PHLDB2: variants seen among roughly 807,000 people sequenced by gnomAD.
PHLDB2 encodes pleckstrin homology like domain family B member 2, also known as pleckstrin homology-like domain family B member 2.
Under a neutral mutation model 123.6 loss-of-function variants are expected in PHLDB2, and 71 were observed. The ratio of observed to expected loss-of-function variants is 0.57; its 90% CI spans 0.47 to 0.70. PHLDB2 has a LOEUF of 0.70. PHLDB2 is among the 30% of genes least tolerant of loss of function. The pLI is 0.00. For synonymous variants in PHLDB2, 547 were observed against 541.6 expected, an observed-to-expected ratio of 1.01 and a Z score of -0.14; for missense variants, 1,446 against 1,519.5, an observed-to-expected ratio of 0.95 and a Z score of 0.80.
Position 111,814,103 on chromosome 3 carries a change from C to T in PHLDB2, c.-48-31718C>T, listed in dbSNP as rs144281639. ...TGGTCCAAAACAGTGTATTCCAAAA[C>T]GTGGGATACACCACTGTGATAGTTA... On this transcript the variant is annotated intron_variant, in intron 1 of 17. Coordinates refer to the PHLDB2 transcript ENST00000393923. Among the ~76,000 whole-genome samples the T allele has an allele frequency of 2.4e-3, 372 of 152,228 alleles. 1 individual carries two copies. The highest frequency in any genetic ancestry group is 8.2e-3 in the African/African-American group (342 of 41,524).
chr3:111,786,591 A>G (rs1231627124), intron 1 of PHLDB2, among the ~76,000 whole-genome samples: 2 of 152,130 alleles, frequency 1.3e-5, no homozygotes, highest in African/African-American at 4.8e-5. Flanking sequence ...TTTAAGTCTG[A>G]GTTCTGAAAA....
chr3:111,802,796 T>C (rs1345815440), intron 1 of PHLDB2, among the ~76,000 whole-genome samples: 1 of 152,216 alleles, frequency 6.6e-6, no homozygotes, highest in East Asian at 1.9e-4. Flanking sequence ...TAGTTTATGA[T>C]CCTCTCTTCT....
intron 3 of PHLDB2, chr3:111,917,177 A>G (rs1389370228): frequency 1.3e-5 from 2 of 151,688 alleles, no homozygotes; most frequent in African/African-American, 4.8e-5. Flanking sequence ...GAAAAAAACT[A>G]CAAACATTTC....
intron 5 of PHLDB2, among the ~76,000 whole-genome samples, chr3:111,926,470 G>A (rs951132532): frequency 1.1e-4 from 16 of 152,310 alleles, no homozygotes; most frequent in African/African-American, 3.9e-4. Context: ...TGGCTCCCTG[G>A]TCAGAGGAAG....
intron 2 of PHLDB2, among the ~76,000 whole-genome samples, chr3:111,891,264 C>T (rs2066474128): frequency 6.6e-6 from 1 of 152,154 alleles, no homozygotes; most frequent in African/African-American, 2.4e-5. Context: ...GGCCGCAGAG[C>T]AGGAGGTGAG....
At chr3:111,955,821 G>A (rs2071018390) in intron 12 of PHLDB2, among the ~76,000 whole-genome samples, 1 of 152,174 alleles carries the variant, frequency 6.6e-6, no homozygotes, top group African/African-American at 2.4e-5. Context: ...AGACCATTAA[G>A]CATTTTCATG....
intron 1 of PHLDB2, among the ~76,000 whole-genome samples, chr3:111,869,946 G>A (rs2108697066): frequency 6.6e-6 from 1 of 152,318 alleles, no homozygotes; most frequent in East Asian, 1.9e-4. Context: ...GCAGGTCTTT[G>A]AGTGACAAAG....
chr3:111,960,156 A>C (rs2071309861), intron 12 of PHLDB2: 1 of 874,372 alleles, frequency 1.1e-6, no homozygotes, highest in Non-Finnish European at 1.4e-6. Flanking sequence ...AGCAATTAGT[A>C]ATTCCAAAAG....
intron 11 of PHLDB2, among the ~76,000 whole-genome samples, chr3:111,953,470 A>G (rs749791228): frequency 1.3e-5 from 2 of 152,216 alleles, no homozygotes; most frequent in Non-Finnish European, 2.9e-5. Flanking sequence ...ATTTTTAAAA[A>G]ATGCTAAAAC....
chr3:111,749,520 CT>C (rs2059735491), intron 1 of PHLDB2, among the ~76,000 whole-genome samples: 1 of 152,142 alleles, frequency 6.6e-6, no homozygotes, highest in South Asian at 2.1e-4. Context: ...TTTTAGTCTC[CT>C]TTACATTTAC....
chr3:111,956,086 T>A (rs2071038937), intron 12 of PHLDB2, among the ~76,000 whole-genome samples: 1 of 152,144 alleles, frequency 6.6e-6, no homozygotes, highest in Admixed American at 6.5e-5. Context: ...TCCCCACCAC[T>A]CAGGAGGCTG....
Position 111,967,758 on chromosome 3 carries a change from A to G in PHLDB2, c.3249A>G (p.Glu1083=). The change falls in exon 15 of 18, where the codon GAA becomes GAG. Residue 1083 remains glutamate, a synonymous_variant. Transcript: ENST00000431670. ...RREILEKRLQ[E]ETSQRQKLIE... ...AAATCCTGGAAAAACGATTACAGGAAGAAACTAGCCAGAGGCAGAAGTTAA... is the reference window on the plus strand; with the variant it reads ...AAATCCTGGAAAAACGATTACAGGAGGAAACTAGCCAGAGGCAGAAGTTAA... 3.1e-6 allele frequency: 5 copies of G among 1,613,322 alleles called. No individual in the cohort carries two copies. The highest frequency in any genetic ancestry group is 1.1e-5 in the South Asian group (1 of 90,916).
chr3:111,802,101 GTTAC>G (rs1456713054), intron 1 of PHLDB2, among the ~76,000 whole-genome samples: 1 of 152,216 alleles, frequency 6.6e-6, no homozygotes, highest in Non-Finnish European at 1.5e-5. Flanking sequence ...ATTGATTTGT[GTTAC>G]TTGTGATGAT....
chr3:111,771,272 TG>T (rs1183791940), intron 1 of PHLDB2, among the ~76,000 whole-genome samples: 1 of 152,230 alleles, frequency 6.6e-6, no homozygotes, highest in African/African-American at 2.4e-5. Context: ...CTTCTATGCC[TG>T]TCTTAGCTTC....
intron 12 of PHLDB2, among the ~76,000 whole-genome samples, chr3:111,959,763 G>C (rs1451128350): frequency 6.6e-6 from 1 of 152,162 alleles, no homozygotes; most frequent in East Asian, 1.9e-4. Context: ...CACAACCTTG[G>C]AAGATCTGAG....
At chr3:111,751,209 A>T (rs1377805796) in intron 1 of PHLDB2, among the ~76,000 whole-genome samples, 1 of 141,386 alleles carries the variant, frequency 7.1e-6, no homozygotes, top group Non-Finnish European at 1.6e-5. Context: ...GTGTGTGTGC[A>T]GACAGATAGT....
intron 1 of PHLDB2, chr3:111,859,853 C>T (rs1435883669): frequency 4.1e-6 from 4 of 985,766 alleles, no homozygotes; most frequent in Non-Finnish European, 4.8e-6. Flanking sequence ...CAGCGTAGAG[C>T]GGCGGTTTGG....
intron 3 of PHLDB2, chr3:111,914,644 C>A (rs1026581099): frequency 8.6e-5 from 13 of 151,690 alleles, no homozygotes; most frequent in Non-Finnish European, 2.9e-5. Flanking sequence ...TTTTATTTTT[C>A]TTGTGTTTTA....
intron 2 of PHLDB2, among the ~76,000 whole-genome samples, chr3:111,848,001 G>A (rs2064076979): frequency 6.6e-6 from 1 of 152,050 alleles, no homozygotes; most frequent in African/African-American, 2.4e-5. Context: ...TGCACGTGAG[G>A]GAAGGTGATA....
Sources: gnomAD v4.1 joint callset for allele counts (sites outside exome capture counted in the v4.1 genomes callset) on GRCh38, gnomAD v4.1.1 for gene constraint, MANE v1.5 for transcripts, NCBI Gene and HGNC (gene_info 2026-07-23, HGNC 2026-07-21) for gene names.